The following NOTCH1 variants were observed in gnomAD, a reference collection of about 807,000 sequenced individuals.
NOTCH1 encodes notch receptor 1, also known as neurogenic locus notch homolog protein 1.
In NOTCH1, 37 loss-of-function variants were observed where a neutral mutation model predicts 254.8. That is an observed-to-expected ratio of 0.15 (90% CI 0.11 to 0.19). The LOEUF (loss-of-function observed/expected upper bound fraction) is 0.19, where lower values mean the gene tolerates loss of function less well. Among genes scored for constraint, NOTCH1 ranks in the 10% least tolerant of loss-of-function variants. The pLI, the probability that NOTCH1 is intolerant of heterozygous loss-of-function variation, is 1.00. For synonymous variants in NOTCH1, 1,731 were observed against 1,618.1 expected (o/e 1.07, Z -1.68); for missense variants, 2,972 against 3,708.6 (o/e 0.80, Z 5.16).
Position 136,505,634 on chromosome 9 carries a change from T to C in NOTCH1, c.4262A>G (p.Asn1421Ser), listed in dbSNP as rs76473337. Residue 1421 changes from asparagine (N) to serine (S), a missense_variant, in exon 25 of 34, where the codon AAC becomes AGC. Physicochemically the swap from Asn to Ser is conservative, Grantham distance 46. Coordinates refer to ENST00000651671, the MANE Select transcript of NOTCH1 (RefSeq NM_017617.5). ...GTCCAGGATGTGGCACAAGAGCCCG[T>C]TGAATTTGGCGGGGCACAGGCAACG... ...FYRCLCPAKF[N>S]GLLCHILDYS... 8.8e-5 allele frequency: 142 copies of C among 1,612,086 alleles called. 2 individuals carry two copies. In the African/African-American group the frequency reaches 1.5e-3, roughly 17 times the overall value.
intron 15 of NOTCH1, 33 bp downstream of exon 15, chr9:136,512,988 C>T: frequency 1.1e-6 from 1 of 869,790 alleles, no homozygotes; most frequent in Non-Finnish European, 1.8e-6. Flanking sequence ...ATAGGCCCCG[C>T]CCCCTCCAGC....
At position 136,499,127 on chromosome 9, in the gene NOTCH1, C is replaced by T. The variant is rs1181025067; in HGVS notation, c.6067G>A (p.Ala2023Thr). The change falls in exon 32 of 34, where the codon GCC becomes ACC. Residue 2023 changes from alanine to threonine, a missense_variant. Coordinates refer to ENST00000651671, the MANE Select transcript of NOTCH1 (RefSeq NM_017617.5). ...DLINSHADVN[A>T]VDDLGKSALH... Reference sequence around the variant, plus strand: ...GTGGGCTCACCCAGGTCATCTACGGCGTTGACGTCGGCGTGTGAGTTGATG... The same window carrying T: ...GTGGGCTCACCCAGGTCATCTACGGTGTTGACGTCGGCGTGTGAGTTGATG... 1.1e-5 allele frequency: 18 copies of T among 1,613,056 alleles called. No individual in the cohort carries two copies. The highest frequency in any genetic ancestry group is 2.2e-5 in the South Asian group (2 of 91,092).
intron 15 of NOTCH1, 49 bp downstream of exon 15, chr9:136,512,971 CT>C (rs1244397882): frequency 1.0e-5 from 7 of 691,488 alleles, no homozygotes; most frequent in South Asian, 3.0e-5. Context: ...GGTCCCGCCC[CT>C]CCCACATAGG....
In NOTCH1 at chr9:136,500,787, C is replaced by T. The variant is rs1461016990; in HGVS notation, c.5699G>A (p.Ser1900Asn). 2 of 1,601,534 alleles carry T rather than the reference C, an allele frequency of 1.2e-6. No individual in the cohort carries two copies. The highest frequency in any genetic ancestry group is 1.7e-6 in the Non-Finnish European group (2 of 1,179,728). ...CSGGGLETGN[S>N]EEEEDAPAVI... is the part of the protein sequence containing the mutation. Reference sequence around the variant, plus strand: ...GGCCGGCGCGTCCTCCTCTTCCTCGCTGTTGCCCGTCTCCAGGCCGCCCCC... The same window carrying T: ...GGCCGGCGCGTCCTCCTCTTCCTCGTTGTTGCCCGTCTCCAGGCCGCCCCC... Residue 1900 changes from serine (S) to asparagine (N), a missense_variant, in exon 31 of 34, where the codon AGC becomes AAC. Ser to Asn is a conservative substitution (Grantham distance 46). Around this residue, in one of 8 missense-constraint regions of NOTCH1, gnomAD observed 421 missense variants for 604.4 expected, o/e 0.70. Coordinates refer to ENST00000651671, the MANE Select transcript of NOTCH1 (RefSeq NM_017617.5).
chr9:136,508,654 C>T (rs547052926), intron 19 of NOTCH1, among the ~76,000 whole-genome samples: 224 of 152,368 alleles, frequency 1.5e-3, no homozygotes, highest in Non-Finnish European at 1.9e-3. Flanking sequence ...AGCTCCTGCC[C>T]CGGCTCCAGA....
At chr9:136,497,724 G>A (rs926866922) in intron 33 of NOTCH1, among the ~76,000 whole-genome samples, 166 bp from the exon 34 acceptor site, 1 of 152,164 alleles carries the variant, frequency 6.6e-6, no homozygotes, top group Non-Finnish European at 1.5e-5. Flanking sequence ...CACCTAGCCT[G>A]ACTCTTGTTA....
At chr9:136,501,431 C>T (rs185464157) in intron 30 of NOTCH1, among the ~76,000 whole-genome samples, 1 of 141,994 alleles carries the variant, frequency 7.0e-6, no homozygotes, top group Admixed American at 7.1e-5. Flanking sequence ...GAGACTCCAT[C>T]TCAAAAACAA....
Position 136,495,949 on chromosome 9 carries a change from C to T in NOTCH1, c.*122G>A. 3 of 1,061,078 alleles carry T rather than the reference C, an allele frequency of 2.8e-6. No individual in the cohort carries two copies. The highest frequency in any genetic ancestry group is 1.6e-5 in the South Asian group (1 of 61,416). The allele number at this position is 1,061,078 out of a possible 1,614,324, so 65.7% of individuals were successfully genotyped here. On this transcript the variant is annotated 3_prime_UTR_variant, in exon 34 of 34. Coordinates refer to ENST00000651671, the MANE Select transcript of NOTCH1 (RefSeq NM_017617.5). ...ACTAAAAAAAATTAAAATCCTCGTT[C>T]TTATTTTGTATAAAAACATGTGTTT...
intron 2 of NOTCH1, among the ~76,000 whole-genome samples, chr9:136,526,050 C>G (rs1332474105): frequency 2.6e-5 from 4 of 152,270 alleles, no homozygotes; most frequent in Admixed American, 2.6e-4. Flanking sequence ...GCGACGGGCA[C>G]AGCCCCGGAA....
intron 17 of NOTCH1, 123 bp downstream of exon 17, chr9:136,510,530 C>G: frequency 7.4e-7 from 1 of 1,344,888 alleles, no homozygotes; most frequent in Admixed American, 2.0e-5. Context: ...CTGACCCAAC[C>G]CTCCCCGGCC....
chr9:136,510,376 G>A, intron 17 of NOTCH1: 1 of 585,154 alleles, frequency 1.7e-6, no homozygotes, highest in African/African-American at 1.9e-5. Flanking sequence ...AGGCGGGAGT[G>A]CAGGCCGGGC....
rs757368784 is a variant in NOTCH1, at chr9:136,514,656, G to A, written c.2061C>T (p.Cys687=). The A allele has an allele frequency of 3.1e-6, 5 of 1,612,596 alleles. No homozygotes were observed. In the South Asian group the frequency reaches 5.5e-5, roughly 18 times the overall value. ...INIDECAGNP[C]HNGGTCEDGI... ...CGTCCTCGCAGGTGCCCCCGTTGTG[G>A]CAGGGGTTGCCCGCACACTCATCGA... Residue 687 remains cysteine (C), a synonymous_variant, in exon 13 of 34, where the codon TGC becomes TGT. Transcript: ENST00000651671.
chr9:136,524,888 G>C (rs1051943721), intron 2 of NOTCH1, among the ~76,000 whole-genome samples: 3 of 151,952 alleles, frequency 2.0e-5, no homozygotes, highest in Non-Finnish European at 4.4e-5. Context: ...TGCCCGCCTC[G>C]GCCTCCCAAA....
chr9:136,538,048 C>A (rs1251496157), intron 2 of NOTCH1, among the ~76,000 whole-genome samples: 2 of 152,168 alleles, frequency 1.3e-5, no homozygotes, highest in South Asian at 2.1e-4. Context: ...TCACTCTAAT[C>A]CAGTCTGGGT....
At chr9:136,522,169 G>A (rs569775313) in intron 4 of NOTCH1, among the ~76,000 whole-genome samples, 25 of 152,164 alleles carry the variant, frequency 1.6e-4, no homozygotes, top group African/African-American at 6.0e-4. Flanking sequence ...AGTAGAGACG[G>A]GGTTTCGCCG....
In NOTCH1 at chr9:136,519,174, A is replaced by G. The variant is rs531048529; in HGVS notation, c.865+269T>C. On this transcript the variant is annotated intron_variant, in intron 5 of 33. Transcript: ENST00000651671. ...AAGGCCCTCAATGCCAGGACACCCC[A>G]CTGGGCACAGGGGCTGCCTGGAGCC... Among the ~76,000 whole-genome samples, 5 of 152,204 alleles carry G rather than the reference A, an allele frequency of 3.3e-5. No homozygotes were observed. The South Asian group carries it at 1.0e-3, about 31-fold the overall frequency.
intron 22 of NOTCH1, 139 bp downstream of exon 22, chr9:136,507,166 G>T: frequency 6.6e-7 from 1 of 1,513,288 alleles, no homozygotes; most frequent in South Asian, 1.2e-5. Flanking sequence ...GGGCAGCTGT[G>T]AGTCGGCCTT....
At position 136,518,610 on chromosome 9, in the gene NOTCH1, C is replaced by G. The variant is rs1292222613; in HGVS notation, c.1080G>C (p.Glu360Asp). 6.2e-7 allele frequency: 1 copy of G among 1,612,638 alleles called. No individual in the cohort carries two copies. The highest frequency in any genetic ancestry group is 8.5e-7 in the Non-Finnish European group (1 of 1,179,936). The change falls in exon 6 of 34, where the codon GAG becomes GAC. Residue 360 changes from glutamate (E) to aspartate (D), a missense_variant. Around this residue, in one of 8 missense-constraint regions of NOTCH1, gnomAD observed 90 missense variants for 183.6 expected, o/e 0.49. Transcript: ENST00000651671. ...ACTCACCTGTGCGGCCATGGGGACA[C>G]TCGCAGTAGAAGGAGGCCACACGGT... ...CHDRVASFYC[E>D]CPHGRTGLLC...
chr9:136,544,954 T>C (rs866902539), intron 1 of NOTCH1, among the ~76,000 whole-genome samples: 4 of 152,104 alleles, frequency 2.6e-5, no homozygotes, highest in African/African-American at 9.7e-5. Context: ...AGAGGACAGA[T>C]AATTCTCGCC....
Sources: gnomAD v4.1 joint callset for allele counts (sites outside exome capture counted in the v4.1 genomes callset) on GRCh38, gnomAD v4.1.1 for gene constraint, gnomAD v4.1.1 regional missense constraint, MANE v1.5 for transcripts, NCBI Gene and HGNC (gene_info 2026-07-23, HGNC 2026-07-21) for gene names.